Variants in ZNF385D observed in about 807,000 individuals in gnomAD.
ZNF385D encodes zinc finger protein 659.
In ZNF385D, 15 loss-of-function variants were observed where a neutral mutation model predicts 35.8. The observed-to-expected ratio is 0.42, with a 90% CI of 0.28 to 0.64. ZNF385D has a LOEUF of 0.64. ZNF385D is among the 30% of genes least tolerant of loss of function. The pLI, the probability that ZNF385D is intolerant of heterozygous loss-of-function variation, is 0.23. For synonymous variants in ZNF385D, 212 were observed against 186.8 expected (o/e 1.13, Z -1.10); for missense variants, 474 against 494.6 (o/e 0.96, Z 0.39).
At chr3:21,634,532 T>G (rs1210436361) in intron 2 of ZNF385D, among the ~76,000 whole-genome samples, 2 of 152,080 alleles carry the variant, frequency 1.3e-5, no homozygotes, top group Non-Finnish European at 2.9e-5. Flanking sequence ...AAAATATATA[T>G]ACCTTTTTTA....
intron 2 of ZNF385D, among the ~76,000 whole-genome samples, chr3:22,199,370 A>T (rs1559446961): frequency 1.3e-5 from 2 of 152,140 alleles, no homozygotes; most frequent in Non-Finnish European, 2.9e-5. Flanking sequence ...AGGCAGCGTC[A>T]TTAACAACAC....
chr3:22,238,511 G>A (rs1450434074), intron 2 of ZNF385D, among the ~76,000 whole-genome samples: 9 of 150,578 alleles, frequency 6.0e-5, no homozygotes, highest in African/African-American at 2.2e-4. Flanking sequence ...ATAGTATTTA[G>A]TATACAAGTT....
chr3:21,818,114 T>C (rs574381157), intron 3 of ZNF385D, among the ~76,000 whole-genome samples: 2 of 146,764 alleles, frequency 1.4e-5, no homozygotes, highest in East Asian at 4.1e-4. Flanking sequence ...CACTCATAGG[T>C]GGGAATTCAA....
chr3:22,046,840 A>G (rs764277622), intron 3 of ZNF385D, among the ~76,000 whole-genome samples: 1 of 152,188 alleles, frequency 6.6e-6, no homozygotes, highest in African/African-American at 2.4e-5. Context: ...TTATATTTGT[A>G]AAGTAAATGT....
chr3:22,064,899 T>C (rs760287178), intron 3 of ZNF385D, among the ~76,000 whole-genome samples: 8 of 152,314 alleles, frequency 5.3e-5, no homozygotes, highest in East Asian at 1.9e-4. Flanking sequence ...TAACAATGCA[T>C]TGTATATTTA....
At chr3:22,358,632 G>T (rs1384634902) in intron 2 of ZNF385D, among the ~76,000 whole-genome samples, 2 of 151,758 alleles carry the variant, frequency 1.3e-5, no homozygotes, top group Non-Finnish European at 3.0e-5. Flanking sequence ...CAAAATGGTG[G>T]TAAATAGAGA....
At chr3:21,567,141 CATT>C (rs1161832892) in intron 2 of ZNF385D, among the ~76,000 whole-genome samples, 1 of 152,152 alleles carries the variant, frequency 6.6e-6, no homozygotes, top group Non-Finnish European at 1.5e-5. Flanking sequence ...ATGAACATTT[CATT>C]ATTTTCAGTA....
In ZNF385D at chr3:21,421,272, C is replaced by T. The variant is rs775043635; in HGVS notation, c.1130G>A (p.Arg377Gln). 4.3e-6 allele frequency: 7 copies of T among 1,613,984 alleles called. No homozygotes were observed. The highest frequency in any genetic ancestry group is 1.1e-5 in the South Asian group (1 of 91,070). ...QTSALPPALL[R>Q]PAPGPIRTAH... ...GGTCCGAATGGGTCCAGGAGCTGGC[C>T]GCAGGAGTGCCGGAGGAAGCGCGGA... The change falls in exon 8 of 8, where the codon CGG becomes CAG. Residue 377 changes from arginine to glutamine, a missense_variant. Transcript: ENST00000281523.
At chr3:21,910,108 G>T (rs1204785740) in intron 3 of ZNF385D, among the ~76,000 whole-genome samples, 1 of 119,788 alleles carries the variant, frequency 8.3e-6, no homozygotes, top group Non-Finnish European at 1.8e-5. Flanking sequence ...CACACACACA[G>T]AGCCAATTAT....
chr3:21,862,588 T>C (rs1697115510), intron 3 of ZNF385D, among the ~76,000 whole-genome samples: 1 of 152,082 alleles, frequency 6.6e-6, no homozygotes, highest in South Asian at 2.1e-4. Flanking sequence ...ATATTGCCAT[T>C]ATATTATGTG....
At chr3:22,161,461 C>T (rs868721565) in intron 3 of ZNF385D, among the ~76,000 whole-genome samples, 4 of 151,984 alleles carry the variant, frequency 2.6e-5, no homozygotes, top group Middle Eastern at 3.5e-3. Flanking sequence ...AAATCAAAGG[C>T]CTTTTTAAAA....
chr3:21,602,543 T>TTTTTTTTTTTTTTTTTTTTAA, intron 2 of ZNF385D, among the ~76,000 whole-genome samples: 1 of 110,080 alleles, frequency 9.1e-6, no homozygotes, highest in East Asian at 3.1e-4. Flanking sequence ...TTTTTTTTTT[T>TTTTTTTTTTTTTTTTTTTTAA]GAGACGGAGT....
At chr3:22,015,437 A>G (rs1237921950) in intron 3 of ZNF385D, among the ~76,000 whole-genome samples, 2 of 152,100 alleles carry the variant, frequency 1.3e-5, no homozygotes, top group African/African-American at 2.4e-5. Context: ...TCAGCAGATT[A>G]TCTCCTTCCT....
chr3:21,969,681 G>A (rs536824452), intron 3 of ZNF385D, among the ~76,000 whole-genome samples: 1 of 152,200 alleles, frequency 6.6e-6, no homozygotes, highest in South Asian at 2.1e-4. Context: ...TCTGCTTATT[G>A]TAGGGTCCTT....
chr3:21,805,140 G>C (rs555351735), intron 3 of ZNF385D, among the ~76,000 whole-genome samples: 18 of 152,196 alleles, frequency 1.2e-4, no homozygotes, highest in Admixed American at 9.2e-4. Context: ...CCTCCCATTT[G>C]TATGAATGGT....
intron 3 of ZNF385D, among the ~76,000 whole-genome samples, chr3:21,891,093 T>C (rs1423445394): frequency 1.3e-5 from 2 of 152,290 alleles, no homozygotes; most frequent in Non-Finnish European, 2.9e-5. Context: ...ATTTCATCAT[T>C]TGCAAAATGG....
chr3:22,101,076 A>G (rs1701915829), intron 3 of ZNF385D, among the ~76,000 whole-genome samples: 1 of 151,956 alleles, frequency 6.6e-6, no homozygotes, highest in Non-Finnish European at 1.5e-5. Context: ...GTTAATGAAA[A>G]CTTAGAGAAA....
In ZNF385D at chr3:21,413,045, G is replaced by GA. The variant is rs1181066866; in HGVS notation, c.*8168dup. On this transcript the variant is annotated 3_prime_UTR_variant, in exon 8 of 8. Coordinates refer to ENST00000281523, the MANE Select transcript of ZNF385D (RefSeq NM_024697.3). The stretch of plus-strand genomic sequence containing the variant: ...TATTATTATTATTACTTTTTTTCAA[G>GA]AAAAAATAGTACTTTACTGGTATAC... The GA allele has an allele frequency of 6.6e-6, 1 of 151,586 alleles. No individual in the cohort carries two copies. 9.4% of individuals were successfully genotyped at this position (151,586 alleles called of 1,614,324 possible).
intron 2 of ZNF385D, among the ~76,000 whole-genome samples, chr3:22,346,048 G>A (rs538168737): frequency 4.6e-5 from 7 of 152,148 alleles, no homozygotes; most frequent in Non-Finnish European, 1.0e-4. Context: ...TCCTCATGGG[G>A]TGTGCTTTTC....
Sources: gnomAD v4.1 joint callset for allele counts (sites outside exome capture counted in the v4.1 genomes callset) on GRCh38, gnomAD v4.1.1 for gene constraint, MANE v1.5 for transcripts, NCBI Gene and HGNC (gene_info 2026-07-23, HGNC 2026-07-21) for gene names.